The following MOB1A variants were observed in gnomAD, a reference collection of about 807,000 sequenced individuals.
MOB1A encodes MOB kinase activator 1A.
MOB1A carries 10 observed loss-of-function variants against 25.1 expected under a neutral mutation model. The observed-to-expected ratio is 0.40, with a 90% CI of 0.25 to 0.68. MOB1A has a LOEUF of 0.68. Ranked by LOEUF, MOB1A falls within the 30% of genes least tolerant of loss-of-function variation. MOB1A has a pLI of 0.40. For missense variants in MOB1A, 177 were observed against 256.3 expected (o/e 0.69, Z 2.11); for synonymous variants, 81 against 79.5 (o/e 1.02, Z -0.10).
chr2:74,159,466 T>C (rs1420858139), intron 4 of MOB1A, among the ~76,000 whole-genome samples: 1 of 152,092 alleles, frequency 6.6e-6, no homozygotes, highest in Non-Finnish European at 1.5e-5. Flanking sequence ...TTTGTATTTT[T>C]TGTAGAGATG....
At chr2:74,163,107 G>C (rs113389862) in intron 4 of MOB1A, among the ~76,000 whole-genome samples, 2 of 152,252 alleles carry the variant, frequency 1.3e-5, no homozygotes, top group African/African-American at 4.8e-5. Context: ...TTGCATAATA[G>C]TAAGAAGGCA....
Position 74,165,364 on chromosome 2 carries a change from A to T in MOB1A, c.276-13T>A. 6.9e-7 allele frequency: 1 copy of T among 1,457,130 alleles called. No individual in the cohort carries two copies. The highest frequency in any genetic ancestry group is 9.1e-7 in the Non-Finnish European group (1 of 1,096,026). The allele number at this position is 1,457,130 out of a possible 1,614,324, so 90.3% of individuals were successfully genotyped here. On this transcript the variant is annotated splice_polypyrimidine_tract_variant and intron_variant, in intron 3 of 5. Coordinates refer to ENST00000396049, the MANE Select transcript of MOB1A (RefSeq NM_018221.5). ...GTGATATTCATATCTGAAGAGAAAA[A>T]TGTTTTACTGATAAATTTTTCAAAA...
chr2:74,160,439 C>G (rs551967401), intron 4 of MOB1A, among the ~76,000 whole-genome samples: 138 of 152,284 alleles, frequency 9.1e-4, no homozygotes, highest in Middle Eastern at 6.8e-3. Flanking sequence ...AATCCCAGCA[C>G]TTTGGGAGGC....
intron 1 of MOB1A, among the ~76,000 whole-genome samples, chr2:74,176,275 CAAAAAAAAAAA>C (rs1201428854): frequency 6.8e-5 from 2 of 29,612 alleles, no homozygotes; most frequent in Non-Finnish European, 1.1e-4. Flanking sequence ...GACCCTGTCT[CAAAAAAAAAAA>C]AAAAAAAAAA....
chr2:74,161,687 G>A lies in MOB1A; in HGVS notation c.410-2433C>T, dbSNP rs146420382. On this transcript the variant is annotated intron_variant, in intron 4 of 5. Coordinates refer to ENST00000396049, the MANE Select transcript of MOB1A (RefSeq NM_018221.5). Reference sequence around the variant, plus strand: ...AGCAGTATTCTGGCCAGGTGCAGTGGCTCATGCCTGTAATCTCAAGCTCTT... The same window carrying A: ...AGCAGTATTCTGGCCAGGTGCAGTGACTCATGCCTGTAATCTCAAGCTCTT... Among the ~76,000 whole-genome samples, 140 of 151,092 alleles carry A rather than the reference G, an allele frequency of 9.3e-4. 1 individual carries two copies. The highest frequency in any genetic ancestry group is 1.1e-3 in the Non-Finnish European group (75 of 67,880).
At chr2:74,176,674 G>A (rs989728315) in intron 1 of MOB1A, among the ~76,000 whole-genome samples, 1 of 151,260 alleles carries the variant, frequency 6.6e-6, no homozygotes, top group Admixed American at 6.6e-5. Context: ...TGAGGCAGGA[G>A]AATGGCGTGA....
chr2:74,165,013 G>T, intron 4 of MOB1A: 1 of 313,820 alleles, frequency 3.2e-6, no homozygotes, highest in Non-Finnish European at 5.7e-6. Flanking sequence ...AAAAAGAGCA[G>T]ATTTATCATT....
intron 5 of MOB1A, among the ~76,000 whole-genome samples, chr2:74,158,032 T>C (rs1400252406): frequency 1.3e-5 from 2 of 151,620 alleles, no homozygotes; most frequent in East Asian, 1.9e-4. Context: ...ACATAAAAAT[T>C]AGCCGGGCGT....
chr2:74,176,123 C>CACAG (rs1445246171), intron 1 of MOB1A, among the ~76,000 whole-genome samples: 104 of 131,698 alleles, frequency 7.9e-4, no homozygotes, highest in Admixed American at 3.1e-3. Flanking sequence ...CACACACACA[C>CACAG]AAACTAGCCG....
intron 2 of MOB1A, among the ~76,000 whole-genome samples, chr2:74,172,283 A>G (rs1693314586): frequency 6.6e-6 from 1 of 152,190 alleles, no homozygotes; most frequent in African/African-American, 2.4e-5. Flanking sequence ...CACAGACCAC[A>G]ACAGGCATAA....
chr2:74,165,400 A>G (rs1420165367), intron 3 of MOB1A, 49 bp from the exon 4 acceptor site: 1 of 1,226,670 alleles, frequency 8.2e-7, no homozygotes, highest in Admixed American at 3.0e-5. Flanking sequence ...ATATTAACAA[A>G]TGTGCAAGTT....
chr2:74,163,770 T>A (rs1693046675), intron 4 of MOB1A, among the ~76,000 whole-genome samples: 1 of 152,086 alleles, frequency 6.6e-6, no homozygotes, highest in African/African-American at 2.4e-5. Flanking sequence ...ACAACTGACA[T>A]AAACTACAGA....
intron 1 of MOB1A, among the ~76,000 whole-genome samples, chr2:74,173,390 T>TC: frequency 6.8e-6 from 1 of 146,196 alleles, no homozygotes; most frequent in East Asian, 2.0e-4. Flanking sequence ...TTTTTTTTTT[T>TC]TTTTTTTTGA....
intron 1 of MOB1A, among the ~76,000 whole-genome samples, chr2:74,173,382 T>G (rs867386927): frequency 0.012 from 1,698 of 140,940 alleles, 33 homozygotes; most frequent in African/African-American, 0.043. Flanking sequence ...TTCGGTTTTT[T>G]TTTTTTTTTT....
intron 1 of MOB1A, chr2:74,178,142 A>C (rs1279411808): frequency 6.6e-6 from 1 of 152,410 alleles, no homozygotes; most frequent in Non-Finnish European, 1.5e-5. Context: ...GGTTAAAATC[A>C]AAGCCAGTAA....
chr2:74,163,139 T>C (rs1693021186), intron 4 of MOB1A, among the ~76,000 whole-genome samples: 1 of 152,216 alleles, frequency 6.6e-6, no homozygotes, highest in African/African-American at 2.4e-5. Context: ...TCTGCCATCA[T>C]CACCATTACT....
chr2:74,169,453 C>T (rs1693221036), intron 2 of MOB1A, among the ~76,000 whole-genome samples: 1 of 151,890 alleles, frequency 6.6e-6, no homozygotes, highest in Non-Finnish European at 1.5e-5. Flanking sequence ...GAGCCAAGAT[C>T]GTGACACTGC....
chr2:74,156,078 C>T lies in MOB1A; in HGVS notation c.*490G>A, dbSNP rs1692797643. 6.5e-6 allele frequency: 1 copy of T among 153,128 alleles called. No homozygotes were observed. The highest frequency in any genetic ancestry group is 2.4e-5 in the African/African-American group (1 of 41,430). 9.5% of individuals were successfully genotyped at this position (153,128 alleles called of 1,614,324 possible). Reference sequence around the variant, plus strand: ...GAAGTGACACAGATGTTCTAAATCTCAAGGATACTGAAAAATACATTTTTT... The same window carrying T: ...GAAGTGACACAGATGTTCTAAATCTTAAGGATACTGAAAAATACATTTTTT... On this transcript the variant is annotated 3_prime_UTR_variant, in exon 6 of 6. Coordinates refer to ENST00000396049, the MANE Select transcript of MOB1A (RefSeq NM_018221.5).
At chr2:74,162,255 T>G (rs1312682980) in intron 4 of MOB1A, among the ~76,000 whole-genome samples, 1 of 151,792 alleles carries the variant, frequency 6.6e-6, no homozygotes. Context: ...CCAAAGTGGG[T>G]GAATCACTTG....
Sources: gnomAD v4.1 joint callset for allele counts (sites outside exome capture counted in the v4.1 genomes callset) on GRCh38, gnomAD v4.1.1 for gene constraint, MANE v1.5 for transcripts, NCBI Gene and HGNC (gene_info 2026-07-23, HGNC 2026-07-21) for gene names.